The following ANKS1B variants were observed in gnomAD, a reference collection of about 807,000 sequenced individuals.
ANKS1B encodes the protein ankyrin repeat and sterile alpha motif domain-containing protein 1B.
Under a neutral mutation model 148.3 loss-of-function variants are expected in ANKS1B, and 36 were observed. The observed-to-expected ratio is 0.24, with a 90% confidence interval of 0.19 to 0.32. The LOEUF (loss-of-function observed/expected upper bound fraction) is 0.32. Among genes scored for constraint, ANKS1B ranks in the 10% least tolerant of loss-of-function variants. The pLI is 1.00. For synonymous variants in ANKS1B, 542 were observed against 560.8 expected (o/e 0.97, Z 0.47); for missense variants, 1,157 against 1,542.6 (o/e 0.75, Z 4.19).
chr12:99,500,244 C>A (rs2096642408), intron 10 of ANKS1B, among the ~76,000 whole-genome samples: 1 of 152,102 alleles, frequency 6.6e-6, no homozygotes, highest in Non-Finnish European at 1.5e-5. Flanking sequence ...CATGCCAGTA[C>A]CCTGCAGATT....
intron 1 of ANKS1B, among the ~76,000 whole-genome samples, chr12:99,963,856 G>C (rs2095449434): frequency 1.3e-5 from 2 of 152,010 alleles, no homozygotes; most frequent in Admixed American, 1.3e-4. Flanking sequence ...AATCATAGTG[G>C]GAATATCATA....
intron 17 of ANKS1B, among the ~76,000 whole-genome samples, chr12:98,964,536 A>T (rs1169807966): frequency 6.6e-6 from 1 of 152,248 alleles, no homozygotes; most frequent in Non-Finnish European, 1.5e-5. Context: ...CACAATGGCC[A>T]AGATTTGGAA....
At chr12:99,642,676 G>A (rs937966106) in intron 9 of ANKS1B, among the ~76,000 whole-genome samples, 1 of 152,158 alleles carries the variant, frequency 6.6e-6, no homozygotes, top group African/African-American at 2.4e-5. Flanking sequence ...AATTAGCTGG[G>A]CGTGGTGATG....
At chr12:99,964,899 G>A (rs1334571004) in intron 1 of ANKS1B, among the ~76,000 whole-genome samples, 1 of 152,166 alleles carries the variant, frequency 6.6e-6, no homozygotes, top group African/African-American at 2.4e-5. Flanking sequence ...GGGGACGATA[G>A]TGGAGAGGAG....
intron 9 of ANKS1B, among the ~76,000 whole-genome samples, chr12:99,558,108 C>T (rs1413715690): frequency 2.6e-5 from 4 of 152,186 alleles, no homozygotes; most frequent in Non-Finnish European, 5.9e-5. Context: ...TTCATCAGAG[C>T]AATGGCAGAG....
At chr12:99,955,492 C>CAAAAAAAAAAAAAAA (rs61654867) in intron 1 of ANKS1B, among the ~76,000 whole-genome samples, 4 of 38,094 alleles carry the variant, frequency 1.1e-4, no homozygotes, top group African/African-American at 3.8e-4. Flanking sequence ...AACTCCGTCT[C>CAAAAAAAAAAAAAAA]AAAAAAAAAA....
intron 12 of ANKS1B, among the ~76,000 whole-genome samples, chr12:99,387,630 G>A (rs115008432): frequency 0.016 from 2,436 of 151,866 alleles, 68 homozygotes; most frequent in African/African-American, 0.056. Flanking sequence ...AGAAGCCCAA[G>A]GGAGCTCCTT....
chr12:99,091,104 T>C (rs753185424), intron 15 of ANKS1B, among the ~76,000 whole-genome samples: 4 of 152,298 alleles, frequency 2.6e-5, no homozygotes, highest in East Asian at 1.9e-4. Context: ...CTTCAGACTA[T>C]GTGGACTATT....
chr12:99,844,332 G>C (rs1401308506), intron 1 of ANKS1B, among the ~76,000 whole-genome samples: 1 of 152,136 alleles, frequency 6.6e-6, no homozygotes, highest in Non-Finnish European at 1.5e-5. Context: ...TGTCCTGAAT[G>C]ATATTGCCTA....
At chr12:99,750,437 G>T (rs2153593976) in intron 8 of ANKS1B, among the ~76,000 whole-genome samples, 1 of 152,142 alleles carries the variant, frequency 6.6e-6, no homozygotes, top group African/African-American at 2.4e-5. Context: ...TATAGGAAAA[G>T]CTTGTATAAA....
chr12:99,448,972 G>A (rs1014370871), intron 10 of ANKS1B, among the ~76,000 whole-genome samples: 1 of 151,830 alleles, frequency 6.6e-6, no homozygotes, highest in African/African-American at 2.4e-5. Context: ...TTTTCATTCT[G>A]TCTCTCTGTT....
At chr12:99,782,332 G>A (rs1206225270) in intron 4 of ANKS1B, among the ~76,000 whole-genome samples, 1 of 152,178 alleles carries the variant, frequency 6.6e-6, no homozygotes, top group Non-Finnish European at 1.5e-5. Flanking sequence ...AGCTGAGGCG[G>A]ATGGATCACC....
intron 10 of ANKS1B, among the ~76,000 whole-genome samples, chr12:99,499,882 T>G (rs2096638909): frequency 6.6e-6 from 1 of 151,092 alleles, no homozygotes; most frequent in Non-Finnish European, 1.5e-5. Context: ...GGATATGGGG[T>G]GCTGCCAAAA....
chr12:99,058,084 T>C (rs1313095145), intron 16 of ANKS1B, among the ~76,000 whole-genome samples: 1 of 152,168 alleles, frequency 6.6e-6, no homozygotes, highest in Non-Finnish European at 1.5e-5. Flanking sequence ...ATTATGCCTG[T>C]GGAATATAAA....
intron 12 of ANKS1B, among the ~76,000 whole-genome samples, chr12:99,285,016 A>G (rs1207573613): frequency 1.3e-5 from 2 of 152,338 alleles, no homozygotes; most frequent in African/African-American, 4.8e-5. Flanking sequence ...TAAAGTTTTC[A>G]GATTTAGATA....
chr12:98,879,107 C>A (rs949427499), intron 17 of ANKS1B, among the ~76,000 whole-genome samples: 2 of 152,196 alleles, frequency 1.3e-5, no homozygotes, highest in Non-Finnish European at 2.9e-5. Flanking sequence ...CTTAATTTTT[C>A]AGATCCATGT....
At chr12:98,893,699 A>G (rs1199439124) in intron 17 of ANKS1B, 1 of 152,290 alleles carries the variant, frequency 6.6e-6, no homozygotes, top group Non-Finnish European at 1.5e-5. Flanking sequence ...CCCGGCGCAC[A>G]TAAGCAGCAC....
chr12:99,842,829 A>T (rs1040041865), intron 1 of ANKS1B, among the ~76,000 whole-genome samples: 1 of 152,172 alleles, frequency 6.6e-6, no homozygotes, highest in East Asian at 1.9e-4. Context: ...TTAATGCATG[A>T]GCATTGAAAA....
At chr12:99,232,411 A>C (rs889361763) in intron 14 of ANKS1B, among the ~76,000 whole-genome samples, 7 of 152,366 alleles carry the variant, frequency 4.6e-5, no homozygotes, top group African/African-American at 1.4e-4. Context: ...TAACAAGATT[A>C]TTAAAACTGG....
Sources: gnomAD v4.1 joint callset for allele counts (sites outside exome capture counted in the v4.1 genomes callset) on GRCh38, gnomAD v4.1.1 for gene constraint, MANE v1.5 for transcripts, NCBI Gene and HGNC (gene_info 2026-07-23, HGNC 2026-07-21) for gene names.